Variants in PARD3B observed in about 807,000 individuals in gnomAD.
The protein encoded by PARD3B is par-3 family cell polarity regulator beta, also known as partitioning defective 3 homolog B.
Under a neutral mutation model 130.2 loss-of-function variants are expected in PARD3B, and 103 were observed. The observed-to-expected ratio is 0.79, with a 90% CI of 0.67 to 0.93. The LOEUF (loss-of-function observed/expected upper bound fraction) is 0.93. PARD3B is among the 40% of genes least tolerant of loss of function. The pLI is 0.00. For missense variants in PARD3B, 1,609 were observed against 1,499.2 expected (o/e 1.07, Z -1.21); for synonymous variants, 583 against 553.2 (o/e 1.05, Z -0.76).
At chr2:204,581,287 G>A (rs140481341) in intron 1 of PARD3B, among the ~76,000 whole-genome samples, 2,854 of 152,070 alleles carry the variant, frequency 0.019, 63 homozygotes, top group Non-Finnish European at 0.025. Flanking sequence ...CTCCTAAAAG[G>A]GGTTTTAGAT....
At chr2:204,707,175 T>C (rs182799840) in intron 2 of PARD3B, among the ~76,000 whole-genome samples, 1 of 152,276 alleles carries the variant, frequency 6.6e-6, no homozygotes, top group Non-Finnish European at 1.5e-5. Context: ...CTCCTACACA[T>C]GCATATGTGT....
At chr2:204,698,148 G>A (rs1238096212) in intron 2 of PARD3B, among the ~76,000 whole-genome samples, 2 of 151,960 alleles carry the variant, frequency 1.3e-5, no homozygotes, top group Non-Finnish European at 2.9e-5. Flanking sequence ...TTACATTTAC[G>A]CCTGTTTCCA....
chr2:205,345,306 G>A (rs1002647785), intron 18 of PARD3B, among the ~76,000 whole-genome samples: 2 of 152,146 alleles, frequency 1.3e-5, no homozygotes, highest in African/African-American at 4.8e-5. Context: ...AATAAACTTG[G>A]GGGTACTTAG....
At chr2:204,998,679 G>A in intron 3 of PARD3B, among the ~76,000 whole-genome samples, 1 of 151,584 alleles carries the variant, frequency 6.6e-6, no homozygotes, top group East Asian at 1.9e-4. Context: ...CCACTGAGGT[G>A]GTTAAATGTT....
intron 10 of PARD3B, among the ~76,000 whole-genome samples, chr2:205,126,416 A>G (rs1314467719): frequency 6.6e-6 from 1 of 152,098 alleles, no homozygotes; most frequent in Non-Finnish European, 1.5e-5. Context: ...GGCATTGGTT[A>G]GATAAATAAC....
chr2:205,151,672 C>T (rs1230264725), intron 10 of PARD3B, among the ~76,000 whole-genome samples: 1 of 152,158 alleles, frequency 6.6e-6, no homozygotes, highest in Non-Finnish European at 1.5e-5. Flanking sequence ...ATTTGTGTCT[C>T]TGCATGTGAG....
At chr2:205,540,809 C>T (rs1044043226) in intron 21 of PARD3B, among the ~76,000 whole-genome samples, 1 of 152,190 alleles carries the variant, frequency 6.6e-6, no homozygotes, top group Non-Finnish European at 1.5e-5. Flanking sequence ...CTTCAACAAT[C>T]TTCCATGGGT....
intron 2 of PARD3B, among the ~76,000 whole-genome samples, chr2:204,795,804 A>G (rs2042352680): frequency 6.6e-6 from 1 of 152,246 alleles, no homozygotes; most frequent in African/African-American, 2.4e-5. Flanking sequence ...TTCTATTATA[A>G]TCAATGTGAA....
At position 204,545,964 on chromosome 2, in the gene PARD3B, GT is replaced by G. The variant is rs2029893892; in HGVS notation, c.-34del. 6.5e-7 allele frequency: 1 copy of G among 1,534,368 alleles called. No individual in the cohort carries two copies. The highest frequency in any genetic ancestry group is 1.2e-5 in the South Asian group (1 of 81,824). ...GCTGCGCCCGCGGGGTCAGACACCT[GT>G]TCGGCCCGGCCCGGCGTGGTCGCCG... On this transcript the variant is annotated 5_prime_UTR_variant, in exon 1 of 23. Transcript: ENST00000406610.
Position 204,890,912 on chromosome 2 carries a change from G to A in PARD3B, c.223-74240G>A, listed in dbSNP as rs1268638363. ...CTGTGACATTGATCCTTTTCAACAG[G>A]CAAGAGATAATATCTCTTGCCATCA... is the stretch of plus-strand genomic sequence containing the variant. On this transcript the variant is annotated intron_variant, in intron 2 of 22. Coordinates refer to ENST00000406610, the MANE Select transcript of PARD3B (RefSeq NM_001302769.2). This position sits in a 1 kb window ranked among gnomAD's most constrained non-coding sequence, Gnocchi z 4.9. Among the ~76,000 whole-genome samples the A allele has an allele frequency of 3.3e-5, 5 of 152,050 alleles. No homozygotes were observed. Among genetic ancestry groups the A allele is most frequent in the Non-Finnish European group, 7.4e-5 (5 of 67,996 alleles).
intron 19 of PARD3B, among the ~76,000 whole-genome samples, chr2:205,414,139 C>T (rs2046695920): frequency 6.6e-6 from 1 of 152,140 alleles, no homozygotes. Flanking sequence ...TGTGATGTAT[C>T]AGATGCCATC....
At chr2:204,724,576 G>A (rs1316984098) in intron 2 of PARD3B, among the ~76,000 whole-genome samples, 2 of 152,078 alleles carry the variant, frequency 1.3e-5, no homozygotes, top group Admixed American at 1.3e-4. Context: ...TCTCTTCCAG[G>A]AATTCCCTCT....
At chr2:205,267,348 G>C (rs2040547951) in intron 16 of PARD3B, among the ~76,000 whole-genome samples, 1 of 152,202 alleles carries the variant, frequency 6.6e-6, no homozygotes, top group Non-Finnish European at 1.5e-5. Context: ...ATTTCAGAGA[G>C]GGTAAAACTT....
intron 19 of PARD3B, among the ~76,000 whole-genome samples, chr2:205,437,460 G>A (rs761575926): frequency 1.3e-5 from 2 of 152,130 alleles, no homozygotes; most frequent in South Asian, 2.1e-4. Context: ...CCAATAGAAC[G>A]CTCTGCAATG....
At chr2:204,916,068 T>G (rs1313397130) in intron 2 of PARD3B, among the ~76,000 whole-genome samples, 1 of 152,170 alleles carries the variant, frequency 6.6e-6, no homozygotes, top group African/African-American at 2.4e-5. Context: ...AAATACAGCG[T>G]GATAACTGTG....
intron 4 of PARD3B, among the ~76,000 whole-genome samples, chr2:205,100,997 C>T (rs979656880): frequency 9.9e-5 from 15 of 151,970 alleles, no homozygotes; most frequent in Non-Finnish European, 1.8e-4. Flanking sequence ...CATTGGACTT[C>T]GTTAACATAA....
chr2:205,201,305 C>T (rs2036974741), intron 15 of PARD3B, among the ~76,000 whole-genome samples: 1 of 141,968 alleles, frequency 7.0e-6, no homozygotes, highest in Non-Finnish European at 1.5e-5. Context: ...AGATACATCA[C>T]ATTTACAAGT....
intron 2 of PARD3B, among the ~76,000 whole-genome samples, chr2:204,956,088 C>A (rs1013062837): frequency 1.3e-5 from 2 of 152,162 alleles, no homozygotes; most frequent in African/African-American, 4.8e-5. Context: ...AAACCCAGGC[C>A]CTTGCCATGC....
At chr2:205,581,559 TACAGCCA>T (rs760350548) in intron 22 of PARD3B, among the ~76,000 whole-genome samples, 61 of 149,330 alleles carry the variant, frequency 4.1e-4, no homozygotes, top group Admixed American at 6.8e-4. Context: ...ACAGGGTAAC[TACAGCCA>T]ATAATTTAGT....
Sources: gnomAD v4.1 joint callset for allele counts (sites outside exome capture counted in the v4.1 genomes callset) on GRCh38, gnomAD v4.1.1 for gene constraint, Gnocchi (gnomAD v3.1) non-coding constraint, MANE v1.5 for transcripts, NCBI Gene and HGNC (gene_info 2026-07-23, HGNC 2026-07-21) for gene names.